The following WBP4 variants were observed in gnomAD, a reference collection of about 807,000 sequenced individuals.
WBP4 encodes the protein WW domain binding protein 4, also known as WW domain-binding protein 4.
A neutral mutation model predicts 55.4 loss-of-function variants in WBP4; 37 were observed. That is an observed-to-expected ratio of 0.67 (90% CI 0.51 to 0.88). WBP4 has a LOEUF of 0.88. WBP4 is among the 40% of genes least tolerant of loss of function. The pLI is 0.00. For synonymous variants in WBP4, 142 were observed against 140.2 expected, an observed-to-expected ratio of 1.01 and a Z score of -0.09; for missense variants, 398 against 420.8, an observed-to-expected ratio of 0.95 and a Z score of 0.47.
chr13:41,080,736 G>A lies in WBP4; in HGVS notation c.847G>A (p.Glu283Lys). ...QKQNSLGSNE[E>K]KSKTLKKSNP... ...ACAGAATTCATTAGGTTCAAATGAA[G>A]AAAAATCGAAAACTCTTAAGAAATC... is the stretch of plus-strand genomic sequence containing the variant. Residue 283 changes from glutamate to lysine, a missense_variant, in exon 9 of 10, where the codon GAA becomes AAA. Transcript: ENST00000379487. The A allele has an allele frequency of 5.0e-6, 8 of 1,607,104 alleles. No homozygotes were observed. The highest frequency in any genetic ancestry group is 6.8e-6 in the Non-Finnish European group (8 of 1,178,412).
intron 5 of WBP4, 151 bp downstream of exon 5, chr13:41,068,888 G>A: frequency 3.6e-6 from 3 of 833,236 alleles, no homozygotes; most frequent in East Asian, 6.0e-5. Flanking sequence ...AGAAAACTGT[G>A]TGCCCTTTAA....
intron 4 of WBP4, among the ~76,000 whole-genome samples, chr13:41,067,143 G>A (rs757689151): frequency 3.9e-5 from 6 of 151,982 alleles, no homozygotes; most frequent in Admixed American, 6.6e-5. Flanking sequence ...TGGTAGAGAC[G>A]GGGTCTTGCC....
chr13:41,080,818 C>G lies in WBP4; in HGVS notation c.920+9C>G. On this transcript the variant is annotated intron_variant, in intron 9 of 9. Transcript: ENST00000379487. ...CAAGAGGTTGAGTCTCAGTAAGTAC[C>G]TGGAGCTTTAATCCCACTGTTATTA... The G allele has an allele frequency of 6.3e-6, 10 of 1,599,804 alleles. No individual in the cohort carries two copies. The highest frequency in any genetic ancestry group is 8.5e-6 in the Non-Finnish European group (10 of 1,176,600).
rs2296688 is a variant in WBP4 at position 41,061,923 on chromosome 13, G to A, written c.2+248G>A. 2.3e-3 allele frequency among the ~76,000 whole-genome samples: 355 copies of A among 152,122 alleles called. 5 individuals carry two copies. The East Asian group carries it at 0.039, about 17-fold the overall frequency. On this transcript the variant is annotated intron_variant, in intron 1 of 9. Coordinates refer to ENST00000379487, the MANE Select transcript of WBP4 (RefSeq NM_007187.5). ...GGGAGGCCGGCGGCCGGTTCAGGGG[G>A]CTGGTTGGACGGCCGCGGGTGAAGC...
intron 2 of WBP4, among the ~76,000 whole-genome samples, chr13:41,064,645 C>G (rs369703345): frequency 6.6e-6 from 1 of 152,094 alleles, no homozygotes; most frequent in African/African-American, 2.4e-5. Context: ...ATTCTAAAGG[C>G]TTTTGATGTT....
intron 5 of WBP4, among the ~76,000 whole-genome samples, chr13:41,069,579 G>A (rs187513064): frequency 8.9e-4 from 135 of 151,546 alleles, no homozygotes; most frequent in African/African-American, 2.6e-3. Context: ...GGAGAATGGC[G>A]TGAACCCAGG....
In WBP4 at chr13:41,073,513, C is replaced by CAAAAAA. The variant is rs147840333; in HGVS notation, c.562+667_562+672dup. 2.7e-5 allele frequency among the ~76,000 whole-genome samples: 3 copies of CAAAAAA among 112,194 alleles called. No homozygotes were observed. In the East Asian group the frequency reaches 7.1e-4, roughly 26 times the overall value. 73.6% of individuals were successfully genotyped at this position (112,194 alleles called of 152,430 possible). A position where few individuals can be genotyped will look rare whatever the true frequency, so the allele number is the denominator to read the frequency against. On this transcript the variant is annotated intron_variant, in intron 7 of 9. Transcript: ENST00000379487. ...GGGCAACAAGAGCAAAACTCTGTCT[C>CAAAAAA]AAAAAAAAAAAAAAAAGTAGGCTAG...
chr13:41,071,112 T>C (rs773692227), intron 5 of WBP4, among the ~76,000 whole-genome samples: 5 of 152,252 alleles, frequency 3.3e-5, no homozygotes, highest in East Asian at 3.8e-4. Context: ...CTTTATATAC[T>C]CTTCCTCTCC....
intron 2 of WBP4, among the ~76,000 whole-genome samples, chr13:41,063,657 C>T (rs1877813996): frequency 6.6e-6 from 1 of 152,038 alleles, no homozygotes; most frequent in Non-Finnish European, 1.5e-5. Context: ...TAAGTAATCC[C>T]TTCCAGTGTA....
chr13:41,070,992 T>C (rs1648391956), intron 5 of WBP4, among the ~76,000 whole-genome samples: 1 of 152,260 alleles, frequency 6.6e-6, no homozygotes, highest in Non-Finnish European at 1.5e-5. Flanking sequence ...GAAGATATCA[T>C]AAATGATTAT....
Position 41,071,448 on chromosome 13 carries a change from G to C in WBP4, c.440-79G>C, listed in dbSNP as rs575922654. ...CTGTAGTGTTTTGTACATAATGACT[G>C]TAAATTTTGTCCAAATTTTTTGGAA... On this transcript the variant is annotated intron_variant, in intron 5 of 9. Coordinates refer to ENST00000379487, the MANE Select transcript of WBP4 (RefSeq NM_007187.5). 1.2e-5 allele frequency: 15 copies of C among 1,247,960 alleles called. No homozygotes were observed. The South Asian group carries it at 1.7e-4, about 14-fold the overall frequency. The allele number at this position is 1,247,960 out of a possible 1,614,324, so 77.3% of individuals were successfully genotyped here. A position where few individuals can be genotyped will look rare whatever the true frequency, so the allele number is the denominator to read the frequency against.
intron 8 of WBP4, among the ~76,000 whole-genome samples, chr13:41,080,224 A>G (rs1878709214): frequency 6.6e-6 from 1 of 152,230 alleles, no homozygotes; most frequent in African/African-American, 2.4e-5. Flanking sequence ...AAGATAAATT[A>G]TAGGAAAAGG....
intron 9 of WBP4, among the ~76,000 whole-genome samples, chr13:41,082,305 G>A (rs940535263): frequency 1.3e-5 from 2 of 152,076 alleles, no homozygotes; most frequent in Non-Finnish European, 2.9e-5. Context: ...TAGCAATGGG[G>A]TTTTGCCATG....
In WBP4 at chr13:41,072,679, A is replaced by T; in HGVS notation, c.487-103A>T. ...TGGGGATGCAGATCGAGATGATATC[A>T]CCAGGTGTCAGGAGGAGAGGCAAGG... On this transcript the variant is annotated intron_variant, in intron 6 of 9. Transcript: ENST00000379487. 3.3e-6 allele frequency: 3 copies of T among 900,672 alleles called. No homozygotes were observed. In the South Asian group the frequency reaches 4.7e-5, roughly 14 times the overall value. The allele number at this position is 900,672 out of a possible 1,614,324, so 55.8% of individuals were successfully genotyped here. A position where few individuals can be genotyped will look rare whatever the true frequency, so the allele number is the denominator to read the frequency against.
At chr13:41,061,779 G>T in intron 1 of WBP4, 104 bp downstream of exon 1, 2 of 1,558,222 alleles carry the variant, frequency 1.3e-6, no homozygotes, top group Non-Finnish European at 1.7e-6. Context: ...GGCCGGGGGC[G>T]TGACAGACGC....
At chr13:41,077,926 A>C (rs1007544236) in intron 8 of WBP4, among the ~76,000 whole-genome samples, 4 of 152,182 alleles carry the variant, frequency 2.6e-5, no homozygotes. Flanking sequence ...CTCGGAATAC[A>C]TTTAACCAAG....
In WBP4 at chr13:41,083,839, TTTC is replaced by T. The variant is rs1187466167; in HGVS notation, c.*931_*933del. The T allele has an allele frequency of 2.0e-5, 3 of 152,316 alleles. No homozygotes were observed. The highest frequency in any genetic ancestry group is 1.9e-4 in the East Asian group (1 of 5,192). The allele number at this position is 152,316 out of a possible 1,614,324, so 9.4% of individuals were successfully genotyped here. A position where few individuals can be genotyped will look rare whatever the true frequency, so the allele number is the denominator to read the frequency against. ...GTTAAAATGTCTTAAAAAGTAGAAT[TTTC>T]TTCTTTAATCCGTTTAGTAGTTACC... On this transcript the variant is annotated 3_prime_UTR_variant, in exon 10 of 10. Transcript: ENST00000379487.
At chr13:41,078,297 T>G (rs754169606) in intron 8 of WBP4, among the ~76,000 whole-genome samples, 5 of 152,134 alleles carry the variant, frequency 3.3e-5, no homozygotes, top group Non-Finnish European at 7.4e-5. Context: ...GATAGGCACA[T>G]AGATTGATGG....
At chr13:41,062,016 A>AC in intron 1 of WBP4, 1 of 968,334 alleles carries the variant, frequency 1.0e-6, no homozygotes, top group Non-Finnish European at 1.2e-6. Context: ...AAGCCCCTGA[A>AC]CCCTAGGGTA....
Sources: allele counts gnomAD v4.1 joint callset (sites outside exome capture counted in the v4.1 genomes callset), GRCh38; gene constraint gnomAD v4.1.1; transcripts MANE v1.5; gene names NCBI Gene and HGNC (gene_info 2026-07-23, HGNC 2026-07-21).